Variants in ANXA10 observed in about 807,000 individuals in gnomAD.
The protein encoded by ANXA10 is annexin 14.
A neutral mutation model predicts 53.5 loss-of-function variants in ANXA10; 49 were observed. The ratio of observed to expected loss-of-function variants is 0.92; its 90% confidence interval spans 0.73 to 1.16. The LOEUF (loss-of-function observed/expected upper bound fraction) is 1.16. Ranked by LOEUF, ANXA10 falls within the 50% of genes most tolerant of loss-of-function variation. The pLI is 0.00. For missense variants in ANXA10, 393 were observed against 394.4 expected (o/e 1.00, Z 0.03); for synonymous variants, 131 against 128.9 (o/e 1.02, Z -0.11).
chr4:168,171,676 G>T (rs1324498064), intron 6 of ANXA10, among the ~76,000 whole-genome samples: 1 of 152,074 alleles, frequency 6.6e-6, no homozygotes, highest in Non-Finnish European at 1.5e-5. Context: ...TTTCTAATAA[G>T]GAAACAACTG....
chr4:168,168,917 G>A (rs990050840), intron 6 of ANXA10, among the ~76,000 whole-genome samples: 5 of 152,062 alleles, frequency 3.3e-5, no homozygotes, highest in African/African-American at 9.7e-5. Flanking sequence ...GTTTTGGTTT[G>A]GTTTAGTTTA....
chr4:168,173,921 AC>A (rs535082892), intron 6 of ANXA10, among the ~76,000 whole-genome samples: 127 of 149,854 alleles, frequency 8.5e-4, no homozygotes, highest in African/African-American at 3.0e-3. Flanking sequence ...ATCAGCACAT[AC>A]CCCCCCATTC....
At chr4:168,162,200 C>T (rs1731796838) in intron 3 of ANXA10, among the ~76,000 whole-genome samples, 1 of 152,004 alleles carries the variant, frequency 6.6e-6, no homozygotes, top group African/African-American at 2.4e-5. Flanking sequence ...CTAAAGACCC[C>T]CAATTAAATG....
In ANXA10 at chr4:168,107,687, C is replaced by T. The variant is rs142110148; in HGVS notation, c.18+14969C>T. On this transcript the variant is annotated intron_variant, in intron 1 of 11. Coordinates refer to ENST00000359299, the MANE Select transcript of ANXA10 (RefSeq NM_007193.5). ...AAAGTGTCAGCAAATTCGGTGTCTG[C>T]GGAGGGCCCTCTTCCTGGCTTGCAG... 6.5e-3 allele frequency among the ~76,000 whole-genome samples: 996 copies of T among 152,186 alleles called. 11 individuals are homozygous for T. The highest frequency in any genetic ancestry group is 0.023 in the African/African-American group (943 of 41,512).
chr4:168,161,054 T>C (rs1040190973), intron 3 of ANXA10, among the ~76,000 whole-genome samples: 2 of 152,214 alleles, frequency 1.3e-5, no homozygotes, highest in Admixed American at 6.5e-5. Flanking sequence ...GCAGAGGCTC[T>C]TTAGTTTAAT....
chr4:168,156,597 A>G (rs926426308), intron 3 of ANXA10, among the ~76,000 whole-genome samples: 10 of 150,326 alleles, frequency 6.7e-5, no homozygotes, highest in African/African-American at 1.5e-4. Flanking sequence ...TCTGCCTCCC[A>G]GGTTCACGCC....
intron 3 of ANXA10, among the ~76,000 whole-genome samples, chr4:168,150,992 T>A (rs1457915082): frequency 6.6e-6 from 1 of 152,124 alleles, no homozygotes. Context: ...TACCATAAGG[T>A]GTATTCTAAA....
intron 11 of ANXA10, 133 bp from the exon 12 acceptor site, chr4:168,187,233 G>A (rs1732387371): frequency 2.1e-6 from 1 of 467,952 alleles, no homozygotes; most frequent in African/African-American, 2.0e-5. Flanking sequence ...TAAACCTTTA[G>A]ATGAGAAAAG....
chr4:168,139,532 T>C lies in ANXA10; in HGVS notation c.147T>C (p.Asn49=). The C allele has an allele frequency of 6.2e-7, 1 of 1,613,254 alleles. No individual in the cohort carries two copies. The highest frequency in any genetic ancestry group is 8.5e-7 in the Non-Finnish European group (1 of 1,179,340). ...TCAACATTCTGACTCAGCGCTGCAA[T>C]GCACAAAGGATGATGATTGCAGAGG... The part of the protein sequence containing the change: ...MLINILTQRC[N]AQRMMIAEAY... Residue 49 remains asparagine, a synonymous_variant, in exon 3 of 12, where the codon AAT becomes AAC. Coordinates refer to ENST00000359299, the MANE Select transcript of ANXA10 (RefSeq NM_007193.5).
chr4:168,150,745 C>T (rs911035685), intron 3 of ANXA10, among the ~76,000 whole-genome samples: 12 of 152,194 alleles, frequency 7.9e-5, no homozygotes, highest in Non-Finnish European at 1.5e-4. Context: ...TTTCAGCCCT[C>T]TGACACTGAA....
At chr4:168,108,859 T>C (rs1300145166) in intron 1 of ANXA10, among the ~76,000 whole-genome samples, 1 of 152,172 alleles carries the variant, frequency 6.6e-6, no homozygotes, top group Admixed American at 6.5e-5. Flanking sequence ...TCACCACCCT[T>C]CACCTCATTC....
At chr4:168,123,356 G>C (rs1362182402) in intron 1 of ANXA10, among the ~76,000 whole-genome samples, 1 of 152,158 alleles carries the variant, frequency 6.6e-6, no homozygotes, top group Non-Finnish European at 1.5e-5. Context: ...ATAGAACTGA[G>C]CTCAGTTCCA....
intron 1 of ANXA10, among the ~76,000 whole-genome samples, chr4:168,107,609 G>A (rs1446382757): frequency 6.6e-6 from 1 of 152,170 alleles, no homozygotes. Flanking sequence ...CTGGGTGGCT[G>A]AAATAACAGA....
At chr4:168,161,552 T>C (rs1013784016) in intron 3 of ANXA10, among the ~76,000 whole-genome samples, 1 of 152,188 alleles carries the variant, frequency 6.6e-6, no homozygotes, top group Non-Finnish European at 1.5e-5. Flanking sequence ...GGCTCTTTTT[T>C]TGGTTCCATA....
At chr4:168,172,686 T>C (rs979327156) in intron 6 of ANXA10, among the ~76,000 whole-genome samples, 2 of 151,886 alleles carry the variant, frequency 1.3e-5, no homozygotes, top group South Asian at 2.1e-4. Flanking sequence ...ATTTAATAAA[T>C]AGGTGGATTA....
intron 9 of ANXA10, among the ~76,000 whole-genome samples, chr4:168,181,470 G>C (rs1278877190): frequency 6.6e-6 from 1 of 151,412 alleles, no homozygotes; most frequent in East Asian, 1.9e-4. Context: ...CCAACAGATA[G>C]AAATAGACCA....
intron 1 of ANXA10, among the ~76,000 whole-genome samples, chr4:168,105,265 C>T (rs1483824533): frequency 6.6e-6 from 1 of 151,938 alleles, no homozygotes; most frequent in Non-Finnish European, 1.5e-5. Context: ...TCTCCATTCT[C>T]CCACCCACCT....
chr4:168,164,046 AC>A, intron 4 of ANXA10, 151 bp from the exon 5 acceptor site: 1 of 582,276 alleles, frequency 1.7e-6, no homozygotes, highest in Non-Finnish European at 3.1e-6. Context: ...CAAAGCTGAA[AC>A]TAAGATTGTG....
chr4:168,102,024 TTAAAACTTGC>T (rs1240565683), intron 1 of ANXA10, among the ~76,000 whole-genome samples: 1 of 152,124 alleles, frequency 6.6e-6, no homozygotes, highest in Non-Finnish European at 1.5e-5. Context: ...TACATGTAGT[TTAAAACTTGC>T]TAAGCCATTA....
Sources: gnomAD v4.1 joint callset for allele counts (sites outside exome capture counted in the v4.1 genomes callset) on GRCh38, gnomAD v4.1.1 for gene constraint, MANE v1.5 for transcripts, NCBI Gene and HGNC (gene_info 2026-07-23, HGNC 2026-07-21) for gene names.